Variants in MANSC1 observed in about 807,000 individuals in gnomAD.
MANSC1 encodes the protein MANSC domain containing 1.
In MANSC1, 13 loss-of-function variants were observed where a neutral mutation model predicts 14.1. The observed-to-expected ratio is 0.92, with a 90% confidence interval of 0.60 to 1.46. The LOEUF (loss-of-function observed/expected upper bound fraction) is 1.46, where lower values mean the gene tolerates loss of function less well. Ranked by LOEUF, MANSC1 falls within the 40% of genes most tolerant of loss-of-function variation. MANSC1 has a pLI of 0.00. For synonymous variants in MANSC1, 227 were observed against 200.7 expected, an observed-to-expected ratio of 1.13 and a Z score of -1.11; for missense variants, 486 against 511.4, an observed-to-expected ratio of 0.95 and a Z score of 0.48.
At chr12:12,342,094 C>T (rs879423899) in intron 2 of MANSC1, among the ~76,000 whole-genome samples, 1 of 152,268 alleles carries the variant, frequency 6.6e-6, no homozygotes, top group South Asian at 2.1e-4. Flanking sequence ...ATGCGTGCAC[C>T]AGCACGCCTG....
chr12:12,344,952 T>TAA (rs1241564160), intron 1 of MANSC1, among the ~76,000 whole-genome samples: 1 of 100,344 alleles, frequency 1.0e-5, no homozygotes, highest in Non-Finnish European at 2.0e-5. Flanking sequence ...TATATATATA[T>TAA]ATATATATAT....
Position 12,329,411 on chromosome 12 carries a change from T to C in MANSC1, c.*616A>G, listed in dbSNP as rs1862751022. Reference sequence around the variant, plus strand: ...ATCTGGAACCAAGAATGTGAATGAATTGGAACCTAGATGTCCTAACCTGTT... The same window carrying C: ...ATCTGGAACCAAGAATGTGAATGAACTGGAACCTAGATGTCCTAACCTGTT... On this transcript the variant is annotated 3_prime_UTR_variant, in exon 4 of 4. Transcript: ENST00000535902. 3.3e-5 allele frequency: 5 copies of C among 152,230 alleles called. No homozygotes were observed. The highest frequency in any genetic ancestry group is 2.6e-4 in the Admixed American group (4 of 15,274). 9.4% of individuals were successfully genotyped at this position (152,230 alleles called of 1,614,324 possible). A position where few individuals can be genotyped will look rare whatever the true frequency, so the allele number is the denominator to read the frequency against.
intron 2 of MANSC1, among the ~76,000 whole-genome samples, chr12:12,342,156 T>C (rs11054824): frequency 0.084 from 12,813 of 152,286 alleles, 1,254 homozygotes; most frequent in East Asian, 0.34. Context: ...TTGCCCAGGC[T>C]GCTCTCAAAC....
rs4328285 is a variant in MANSC1, at chr12:12,329,869, A to G, written c.*158T>C. On this transcript the variant is annotated 3_prime_UTR_variant, in exon 4 of 4. Coordinates refer to ENST00000535902, the MANE Select transcript of MANSC1 (RefSeq NM_018050.4). Reference sequence around the variant, plus strand: ...CTACTGCACTCCAGCCTGGGCAACAAAGCAAGACTCTGTCTCCAAAAAAAA... The same window carrying G: ...CTACTGCACTCCAGCCTGGGCAACAGAGCAAGACTCTGTCTCCAAAAAAAA... 0.94 allele frequency: 601,323 copies of G among 641,512 alleles called. 285,276 individuals carry two copies. Among genetic ancestry groups the G allele is most frequent in the Non-Finnish European group, 1 (377,491 of 379,108 alleles). The allele number at this position is 641,512 out of a possible 1,614,324, so 39.7% of individuals were successfully genotyped here.
At chr12:12,331,500 A>G (rs1862789179) in intron 3 of MANSC1, among the ~76,000 whole-genome samples, 1 of 152,154 alleles carries the variant, frequency 6.6e-6, no homozygotes, top group Non-Finnish European at 1.5e-5. Flanking sequence ...TGACCTGAGC[A>G]GGAAAGGTTG....
At position 12,330,361 on chromosome 12, in the gene MANSC1, G is replaced by A. The variant is rs749024750; in HGVS notation, c.962C>T (p.Pro321Leu). The change falls in exon 4 of 4, where the codon CCG becomes CTG. Residue 321 changes from proline (P) to leucine (L), a missense_variant. Pro to Leu is a moderately conservative substitution (Grantham distance 98). Coordinates refer to ENST00000535902, the MANE Select transcript of MANSC1 (RefSeq NM_018050.4). ...AGTTAGGTTGGAGATTTCTGTAAAC[G>A]GTATGGTTTCTAAGCTGCCTTTCGA... ...TDSKGSLETI[P>L]FTEISNLTLN... 25 of 1,614,078 alleles carry A rather than the reference G, an allele frequency of 1.5e-5. No individual in the cohort carries two copies. Among genetic ancestry groups the A allele is most frequent in the Middle Eastern group, 1.6e-4 (1 of 6,084 alleles).
chr12:12,345,400 T>C lies in MANSC1; in HGVS notation c.-100-1986A>G, dbSNP rs561040419. ...TAGTCTTTCCTATTGCTGCTTCTCCTTAAGAAGTATCAAATCAGAGTTAGA... is the reference window on the plus strand; with the variant it reads ...TAGTCTTTCCTATTGCTGCTTCTCCCTAAGAAGTATCAAATCAGAGTTAGA... On this transcript the variant is annotated intron_variant, in intron 1 of 3. Coordinates refer to ENST00000535902, the MANE Select transcript of MANSC1 (RefSeq NM_018050.4). Among the ~76,000 whole-genome samples, 4 of 152,190 alleles carry C rather than the reference T, an allele frequency of 2.6e-5. No homozygotes were observed. The East Asian group carries it at 7.7e-4, about 29-fold the overall frequency.
At position 12,330,425 on chromosome 12, in the gene MANSC1, T is replaced by C. The variant is rs1485137148; in HGVS notation, c.898A>G (p.Thr300Ala). The C allele has an allele frequency of 1.2e-6, 2 of 1,614,184 alleles. No homozygotes were observed. Among genetic ancestry groups the C allele is most frequent in the Admixed American group, 1.7e-5 (1 of 60,014 alleles). ...TGAAAGGTGGTAGTCAGAACTGCTG[T>C]TGTAGCCATTGCTTGGAGTGTAGCC... ...AAATLQAMATTAVLTTTFQAP... is the reference protein window; with the variant it reads ...AAATLQAMATAAVLTTTFQAP... Residue 300 changes from threonine to alanine, a missense_variant, in exon 4 of 4, where the codon ACA becomes GCA. Transcript: ENST00000535902.
At position 12,330,083 on chromosome 12, in the gene MANSC1, T is replaced by C. The variant is rs775563633; in HGVS notation, c.1240A>G (p.Arg414Gly). The C allele has an allele frequency of 1.9e-6, 3 of 1,614,204 alleles. No individual in the cohort carries two copies. Among genetic ancestry groups the C allele is most frequent in the Admixed American group, 3.3e-5 (2 of 60,026 alleles). Residue 414 changes from arginine (R) to glycine (G), a missense_variant, in exon 4 of 4, where the codon AGG (arginine) becomes GGG (glycine). By Grantham distance (125) the Arg-to-Gly change is moderately radical. Transcript: ENST00000535902. ...TAATCCAGTCTTGAGTAACGTTTCC[T>C]GCGGAGTGATTCCGAGAGGATTCTA... ...LGRILSESLR[R>G]KRYSRLDYLI... is the part of the protein sequence containing the mutation.
intron 3 of MANSC1, among the ~76,000 whole-genome samples, chr12:12,333,611 G>A (rs1320992903): frequency 2.0e-5 from 3 of 152,130 alleles, no homozygotes; most frequent in African/African-American, 7.2e-5. Flanking sequence ...TTTGCCATTG[G>A]GGCATGGTGC....
At chr12:12,334,544 G>A (rs912042130) in intron 3 of MANSC1, among the ~76,000 whole-genome samples, 1 of 152,108 alleles carries the variant, frequency 6.6e-6, no homozygotes, top group Non-Finnish European at 1.5e-5. Context: ...GCCCCTAGGT[G>A]TCCATCAACC....
At chr12:12,340,642 G>C (rs779554832) in intron 2 of MANSC1, among the ~76,000 whole-genome samples, 1 of 152,198 alleles carries the variant, frequency 6.6e-6, no homozygotes, top group Admixed American at 6.5e-5. Flanking sequence ...GAAAATGTTT[G>C]AGATCCATTA....
chr12:12,349,144 G>T (rs1863045622), intron 1 of MANSC1, among the ~76,000 whole-genome samples: 1 of 152,140 alleles, frequency 6.6e-6, no homozygotes, highest in Admixed American at 6.5e-5. Context: ...TTCCATTTCA[G>T]AAGTCGGTGA....
chr12:12,338,876 A>G, intron 2 of MANSC1: 1 of 283,620 alleles, frequency 3.5e-6, no homozygotes, highest in South Asian at 3.0e-5. Context: ...GGCATCCACA[A>G]CCACACACAC....
rs1862960165 is a variant in MANSC1, at chr12:12,343,158, C to T, written c.157G>A (p.Glu53Lys). Residue 53 changes from glutamate to lysine, a missense_variant, in exon 2 of 4, where the codon GAG (glutamate) becomes AAG (lysine). Physicochemically the swap from Glu to Lys is moderately conservative, Grantham distance 56. Coordinates refer to ENST00000535902, the MANE Select transcript of MANSC1 (RefSeq NM_018050.4). Reference protein sequence around the residue: ...SSLSKGIRGNEPVYTSTQEDC... With the variant: ...SSLSKGIRGNKPVYTSTQEDC... ...TCTTGAGTTGAAGTATATACGGGCT[C>T]ATTGCCTCTGATTCCCTTAGAAAGA... 1 of 1,614,064 alleles carries T rather than the reference C, an allele frequency of 6.2e-7. No homozygotes were observed. Among genetic ancestry groups the T allele is most frequent in the Non-Finnish European group, 8.5e-7 (1 of 1,179,950 alleles).
intron 3 of MANSC1, among the ~76,000 whole-genome samples, chr12:12,334,721 T>A (rs904308046): frequency 1.3e-5 from 2 of 152,276 alleles, no homozygotes; most frequent in Non-Finnish European, 1.5e-5. Context: ...CTCTTTTATA[T>A]GTGCATTACA....
At chr12:12,333,044 A>ATATATATATATATAT (rs568196183) in intron 3 of MANSC1, among the ~76,000 whole-genome samples, 9 of 148,364 alleles carry the variant, frequency 6.1e-5, no homozygotes, top group African/African-American at 1.7e-4. Context: ...TATATTTGAA[A>ATATATATATATATAT]ATATATATAT....
At chr12:12,331,761 G>C (rs549554306) in intron 3 of MANSC1, among the ~76,000 whole-genome samples, 3 of 152,262 alleles carry the variant, frequency 2.0e-5, no homozygotes, top group Admixed American at 1.3e-4. Context: ...TGAGCACTGA[G>C]GCCACAGCAG....
rs748232513 is a variant in MANSC1 at position 12,330,379 on chromosome 12, C to T, written c.944G>A (p.Gly315Asp). 20 of 1,614,096 alleles carry T rather than the reference C, an allele frequency of 1.2e-5. No homozygotes were observed. Among genetic ancestry groups the T allele is most frequent in the Admixed American group, 5.0e-5 (3 of 59,994 alleles). Residue 315 changes from glycine to aspartate, a missense_variant, in exon 4 of 4, where the codon GGC (glycine) becomes GAC (aspartate). Transcript: ENST00000535902. The stretch of plus-strand genomic sequence containing the variant: ...TGTAAACGGTATGGTTTCTAAGCTG[C>T]CTTTCGAGTCCGTAGGTGCCTGAAA... ...TTFQAPTDSK[G>D]SLETIPFTEI...
Sources: allele counts gnomAD v4.1 joint callset (sites outside exome capture counted in the v4.1 genomes callset), GRCh38; gene constraint gnomAD v4.1.1; transcripts MANE v1.5; gene names NCBI Gene and HGNC (gene_info 2026-07-23, HGNC 2026-07-21).